The following CNTNAP2 variants were observed in gnomAD, a reference collection of about 807,000 sequenced individuals.
CNTNAP2 encodes contactin associated protein 2, also known as contactin-associated protein-like 2.
Under a neutral mutation model 155.2 loss-of-function variants are expected in CNTNAP2, and 98 were observed. The observed-to-expected ratio is 0.63, with a 90% confidence interval of 0.54 to 0.75. CNTNAP2 has a LOEUF of 0.75. CNTNAP2 is among the 30% of genes least tolerant of loss of function. The pLI is 0.00. For missense variants in CNTNAP2, 1,727 were observed against 1,688.1 expected (o/e 1.02, Z -0.40); for synonymous variants, 651 against 631.2 (o/e 1.03, Z -0.47).
intron 1 of CNTNAP2, among the ~76,000 whole-genome samples, chr7:146,237,998 C>G (rs1231199061): frequency 6.6e-6 from 1 of 152,022 alleles, no homozygotes. Flanking sequence ...GTCTTTGTTC[C>G]AAAAGCAAGC....
At position 147,851,661 on chromosome 7, in the gene CNTNAP2, C is replaced by T. The variant is rs146471665; in HGVS notation, c.2099-51904C>T. Reference sequence around the variant, plus strand: ...CATTCTCAGCAAACTATCACAAGGACAGAAAACCAAACACCACGTGTTCTC... The same window carrying T: ...CATTCTCAGCAAACTATCACAAGGATAGAAAACCAAACACCACGTGTTCTC... On this transcript the variant is annotated intron_variant, in intron 13 of 23. Coordinates refer to ENST00000361727, the MANE Select transcript of CNTNAP2 (RefSeq NM_014141.6). 1.9e-4 allele frequency among the ~76,000 whole-genome samples: 28 copies of T among 150,224 alleles called. No individual in the cohort carries two copies. The East Asian group carries it at 4.4e-3, about 23-fold the overall frequency.
intron 13 of CNTNAP2, among the ~76,000 whole-genome samples, chr7:147,756,496 A>G (rs1584939914): frequency 6.6e-6 from 1 of 152,332 alleles, no homozygotes; most frequent in East Asian, 1.9e-4. Context: ...CTCTTGCATA[A>G]TAAGGATTAG....
intron 1 of CNTNAP2, among the ~76,000 whole-genome samples, chr7:146,570,963 G>T (rs1798431731): frequency 6.6e-6 from 1 of 152,012 alleles, no homozygotes; most frequent in Non-Finnish European, 1.5e-5. Flanking sequence ...AAAATACTTA[G>T]GTTCCACTTA....
At chr7:146,275,741 C>A (rs993843689) in intron 1 of CNTNAP2, among the ~76,000 whole-genome samples, 1 of 152,178 alleles carries the variant, frequency 6.6e-6, no homozygotes, top group African/African-American at 2.4e-5. Flanking sequence ...GATGTAGGCA[C>A]AATACTAGTC....
chr7:147,886,007 A>C (rs1410802831), intron 13 of CNTNAP2, among the ~76,000 whole-genome samples: 1 of 152,218 alleles, frequency 6.6e-6, no homozygotes, highest in African/African-American at 2.4e-5. Flanking sequence ...ACATTCTTCA[A>C]ATCACGTTGC....
intron 3 of CNTNAP2, among the ~76,000 whole-genome samples, chr7:147,032,598 T>A (rs1386877231): frequency 9.2e-5 from 14 of 151,640 alleles, no homozygotes; most frequent in Admixed American, 1.3e-4. Flanking sequence ...TGAAATGTGA[T>A]GTGGGCAAAA....
chr7:147,010,498 A>G (rs893470389), intron 3 of CNTNAP2, among the ~76,000 whole-genome samples: 1 of 152,162 alleles, frequency 6.6e-6, no homozygotes, highest in African/African-American at 2.4e-5. Context: ...CCAGAAAGTA[A>G]GGAAATACCA....
intron 9 of CNTNAP2, among the ~76,000 whole-genome samples, chr7:147,312,219 G>T (rs2620444): frequency 0.49 from 74,029 of 151,232 alleles, 19,222 homozygotes; most frequent in East Asian, 0.73. Context: ...CTCAAGTAAT[G>T]AAAAATATTT....
chr7:147,787,991 C>T (rs966880833), intron 13 of CNTNAP2, among the ~76,000 whole-genome samples: 1 of 152,144 alleles, frequency 6.6e-6, no homozygotes, highest in African/African-American at 2.4e-5. Context: ...AGTACATTCT[C>T]TTTGTATTCT....
intron 21 of CNTNAP2, among the ~76,000 whole-genome samples, chr7:148,360,850 C>T (rs1258465634): frequency 7.2e-6 from 1 of 138,588 alleles, no homozygotes; most frequent in African/African-American, 2.7e-5. Flanking sequence ...TCTCTTGTTG[C>T]CCAGGCTGGA....
intron 10 of CNTNAP2, among the ~76,000 whole-genome samples, chr7:147,468,213 A>T (rs1019849796): frequency 1.3e-5 from 2 of 152,134 alleles, no homozygotes; most frequent in Non-Finnish European, 2.9e-5. Context: ...GCTTGACCCT[A>T]GGAGTGTAAG....
intron 1 of CNTNAP2, among the ~76,000 whole-genome samples, chr7:146,625,173 ACACATATGGT>A (rs2129157422): frequency 6.6e-6 from 1 of 152,102 alleles, no homozygotes; most frequent in African/African-American, 2.4e-5. Context: ...CAGAAGATTG[ACACATATGGT>A]CAGAGAGGAA....
At chr7:147,059,492 T>G (rs980982105) in intron 4 of CNTNAP2, among the ~76,000 whole-genome samples, 1 of 151,832 alleles carries the variant, frequency 6.6e-6, no homozygotes, top group Non-Finnish European at 1.5e-5. Context: ...TTATTTCCAA[T>G]TGTACAATGG....
At chr7:146,811,885 G>A (rs1803073113) in intron 2 of CNTNAP2, among the ~76,000 whole-genome samples, 1 of 152,112 alleles carries the variant, frequency 6.6e-6, no homozygotes, top group Non-Finnish European at 1.5e-5. Context: ...CTCTCTTGCT[G>A]CCCTGTGAAG....
chr7:146,591,618 T>C (rs1003200173), intron 1 of CNTNAP2, among the ~76,000 whole-genome samples: 4 of 152,186 alleles, frequency 2.6e-5, no homozygotes, highest in African/African-American at 7.2e-5. Flanking sequence ...CCTGCATCCA[T>C]TGTCAACATT....
intron 21 of CNTNAP2, among the ~76,000 whole-genome samples, chr7:148,355,445 T>C (rs1798497630): frequency 6.6e-6 from 1 of 152,120 alleles, no homozygotes; most frequent in Non-Finnish European, 1.5e-5. Context: ...TTCTGTGTTA[T>C]AATAGTTTGC....
At chr7:147,869,075 C>T (rs1315522886) in intron 13 of CNTNAP2, among the ~76,000 whole-genome samples, 4 of 152,184 alleles carry the variant, frequency 2.6e-5, no homozygotes, top group African/African-American at 7.2e-5. Context: ...GTGCTGCGGA[C>T]CAGAACTGTT....
intron 9 of CNTNAP2, among the ~76,000 whole-genome samples, chr7:147,373,562 T>C (rs542189412): frequency 2.0e-5 from 3 of 152,214 alleles, no homozygotes; most frequent in East Asian, 3.9e-4. Context: ...TATGAGAACA[T>C]TGAAATACTG....
chr7:148,014,166 C>T (rs531220277), intron 15 of CNTNAP2: 21 of 151,296 alleles, frequency 1.4e-4, no homozygotes, highest in Admixed American at 9.2e-4. Context: ...AGTTGACAAA[C>T]GAAAATCTGG....
Sources: gnomAD v4.1 joint callset for allele counts (sites outside exome capture counted in the v4.1 genomes callset) on GRCh38, gnomAD v4.1.1 for gene constraint, MANE v1.5 for transcripts, NCBI Gene and HGNC (gene_info 2026-07-23, HGNC 2026-07-21) for gene names.